The following DYNC2H1 variants were observed in gnomAD, a reference collection of about 807,000 sequenced individuals.
The protein encoded by DYNC2H1 is dynein cytoplasmic 2 heavy chain 1, also known as cytoplasmic dynein 2 heavy chain 1.
A neutral mutation model predicts 570.0 loss-of-function variants in DYNC2H1; 410 were observed. The ratio of observed to expected loss-of-function variants is 0.72; its 90% CI spans 0.66 to 0.78. The LOEUF (loss-of-function observed/expected upper bound fraction) is 0.78, where lower values mean the gene tolerates loss of function less well. DYNC2H1 is among the 30% of genes least tolerant of loss of function. The pLI, the probability that DYNC2H1 is intolerant of heterozygous loss-of-function variation, is 0.00. For missense variants in DYNC2H1, 4,865 were observed against 5,046.4 expected, an observed-to-expected ratio of 0.96 and a Z score of 1.09; for synonymous variants, 1,688 against 1,677.6, an observed-to-expected ratio of 1.01 and a Z score of -0.15.
chr11:103,266,428 G>A (rs1225400598), intron 70 of DYNC2H1, among the ~76,000 whole-genome samples: 3 of 152,012 alleles, frequency 2.0e-5, no homozygotes, highest in Non-Finnish European at 4.4e-5. Context: ...CGGTCACTCA[G>A]GTCTGGGGAG....
chr11:103,304,873 A>C (rs1450606232), intron 77 of DYNC2H1, among the ~76,000 whole-genome samples, 153 bp downstream of exon 77: 1 of 152,232 alleles, frequency 6.6e-6, no homozygotes, highest in African/African-American at 2.4e-5. Flanking sequence ...AATATGTACA[A>C]TTCTGCAAAA....
chr11:103,127,386 A>G (rs1859054826), intron 12 of DYNC2H1, among the ~76,000 whole-genome samples: 1 of 152,208 alleles, frequency 6.6e-6, no homozygotes, highest in South Asian at 2.1e-4. Flanking sequence ...GATAGATAGC[A>G]GTATGGCTAG....
At chr11:103,211,427 C>T (rs1311100245) in intron 53 of DYNC2H1, among the ~76,000 whole-genome samples, 1 of 151,916 alleles carries the variant, frequency 6.6e-6, no homozygotes, top group Admixed American at 6.6e-5. Context: ...CTTTTCTGTT[C>T]AGCAGATTGT....
At chr11:103,238,244 T>C (rs1864296363) in intron 63 of DYNC2H1, among the ~76,000 whole-genome samples, 1 of 152,070 alleles carries the variant, frequency 6.6e-6, no homozygotes, top group Non-Finnish European at 1.5e-5. Context: ...TAATATGCAT[T>C]TGTGATTCAG....
chr11:103,300,897 C>T (rs1355155899), intron 75 of DYNC2H1, among the ~76,000 whole-genome samples: 1 of 135,868 alleles, frequency 7.4e-6, no homozygotes, highest in African/African-American at 2.5e-5. Context: ...ACACTTAAGT[C>T]AGTAAGTAGT....
chr11:103,114,284 C>T, intron 3 of DYNC2H1, 46 bp downstream of exon 3: 1 of 1,469,492 alleles, frequency 6.8e-7, no homozygotes, highest in Non-Finnish European at 9.1e-7. Context: ...ATGATTGTCT[C>T]ATTAATACAT....
chr11:103,420,932 C>T (rs1327982731), intron 84 of DYNC2H1, among the ~76,000 whole-genome samples: 7 of 152,110 alleles, frequency 4.6e-5, no homozygotes, highest in Non-Finnish European at 1.0e-4. Flanking sequence ...CACAGAGTGG[C>T]AAGCTGTATG....
At chr11:103,122,164 G>A (rs1176581138) in intron 10 of DYNC2H1, among the ~76,000 whole-genome samples, 2 of 152,114 alleles carry the variant, frequency 1.3e-5, no homozygotes, top group Non-Finnish European at 2.9e-5. Flanking sequence ...TTACTAACTG[G>A]TATGTGGTTC....
intron 79 of DYNC2H1, among the ~76,000 whole-genome samples, chr11:103,314,507 G>A (rs541926095): frequency 2.3e-4 from 35 of 152,044 alleles, no homozygotes; most frequent in African/African-American, 7.5e-4. Flanking sequence ...AGATCCCTAT[G>A]CATGCTTCAT....
chr11:103,338,574 A>G (rs977655828), intron 82 of DYNC2H1, among the ~76,000 whole-genome samples: 5 of 152,116 alleles, frequency 3.3e-5, no homozygotes, highest in Admixed American at 6.5e-5. Flanking sequence ...AAGCTCACCA[A>G]TTCTTCTTCT....
chr11:103,295,366 G>A lies in DYNC2H1; in HGVS notation c.11096-7727G>A, dbSNP rs556653223. Among the ~76,000 whole-genome samples the A allele has an allele frequency of 3.3e-5, 5 of 152,310 alleles. No homozygotes were observed. The South Asian group carries it at 1.0e-3, about 32-fold the overall frequency. ...TGTATTAGGCTGACTTATCCTAGAA[G>A]CAGCAACAGGCACAGCCCAGACCCA... On this transcript the variant is annotated intron_variant, in intron 75 of 88. Coordinates refer to ENST00000375735, the MANE Select transcript of DYNC2H1 (RefSeq NM_001377.3).
chr11:103,318,409 C>G (rs1038328537), intron 80 of DYNC2H1, among the ~76,000 whole-genome samples: 1 of 152,118 alleles, frequency 6.6e-6, no homozygotes, highest in Non-Finnish European at 1.5e-5. Flanking sequence ...AGCATATATG[C>G]TCTAGTGTTT....
At chr11:103,327,603 C>A (rs1938562205) in intron 82 of DYNC2H1, among the ~76,000 whole-genome samples, 1 of 152,034 alleles carries the variant, frequency 6.6e-6, no homozygotes, top group Admixed American at 6.6e-5. Context: ...TAGTTTGGAT[C>A]AATTATCTAA....
intron 65 of DYNC2H1, among the ~76,000 whole-genome samples, chr11:103,247,423 A>T (rs989527660): frequency 2.0e-5 from 3 of 152,020 alleles, no homozygotes; most frequent in Admixed American, 6.6e-5. Flanking sequence ...CTCCATATGG[A>T]TGTGTCTTTC....
intron 34 of DYNC2H1, among the ~76,000 whole-genome samples, chr11:103,171,631 C>G (rs184556169): frequency 6.6e-6 from 1 of 152,142 alleles, no homozygotes; most frequent in Non-Finnish European, 1.5e-5. Flanking sequence ...ATATATTATT[C>G]TATTGTCTGT....
intron 73 of DYNC2H1, among the ~76,000 whole-genome samples, chr11:103,285,547 C>T (rs1361324272): frequency 6.6e-6 from 1 of 151,368 alleles, no homozygotes; most frequent in African/African-American, 2.4e-5. Context: ...CTCAGCCTCC[C>T]GAGTAGCTGT....
rs560893645 is a variant in DYNC2H1 at position 103,228,234 on chromosome 11, A to T, written c.9354-3026A>T. On this transcript the variant is annotated intron_variant, in intron 59 of 88. Transcript: ENST00000375735. The surrounding 1 kb of genome is among the most constrained non-coding windows in gnomAD (Gnocchi z 6.1). The stretch of plus-strand genomic sequence containing the variant: ...TTAGATCCATTGCTGATGAGCTGGT[A>T]TAATATTTTGGGGGTGTTAAAGAAC... 6.8e-4 allele frequency among the ~76,000 whole-genome samples: 104 copies of T among 152,240 alleles called. No individual in the cohort carries two copies. Among genetic ancestry groups the T allele is most frequent in the African/African-American group, 2.4e-3 (100 of 41,548 alleles).
At chr11:103,191,412 C>G in intron 45 of DYNC2H1, 105 bp from the exon 46 acceptor site, 1 of 711,782 alleles carries the variant, frequency 1.4e-6, no homozygotes, top group Non-Finnish European at 2.3e-6. Flanking sequence ...GTTCCATCTA[C>G]AGGTAGAAAT....
At chr11:103,234,913 A>T (rs2135196792) in intron 61 of DYNC2H1, among the ~76,000 whole-genome samples, 1 of 152,044 alleles carries the variant, frequency 6.6e-6, no homozygotes, top group East Asian at 1.9e-4. Context: ...CATCAATACT[A>T]AAAACATGTG....
Sources: gnomAD v4.1 joint callset for allele counts (sites outside exome capture counted in the v4.1 genomes callset) on GRCh38, gnomAD v4.1.1 for gene constraint, Gnocchi (gnomAD v3.1) non-coding constraint, MANE v1.5 for transcripts, NCBI Gene and HGNC (gene_info 2026-07-23, HGNC 2026-07-21) for gene names.